Variants in PTER observed in about 807,000 individuals in gnomAD.
PTER encodes the protein N-acetyltaurine hydrolase.
In PTER, 38 loss-of-function variants were observed where a neutral mutation model predicts 29.6. That is an observed-to-expected ratio of 1.28 (90% confidence interval 0.99 to 1.68). PTER has a LOEUF of 1.68. Ranked by LOEUF, PTER falls within the 40% of genes most tolerant of loss-of-function variation. PTER has a pLI of 0.00. For missense variants in PTER, 482 were observed against 427.8 expected (o/e 1.13, Z -1.12); for synonymous variants, 172 against 154.5 (o/e 1.11, Z -0.84).
At chr10:16,495,247 T>C (rs1836051004) in intron 3 of PTER, among the ~76,000 whole-genome samples, 1 of 149,982 alleles carries the variant, frequency 6.7e-6, no homozygotes. Context: ...CTCAGCTCAC[T>C]GCAACCTCCA....
chr10:16,451,602 C>T (rs1301495351), intron 1 of PTER, among the ~76,000 whole-genome samples: 1 of 152,120 alleles, frequency 6.6e-6, no homozygotes, highest in African/African-American at 2.4e-5. Context: ...ATCCCAGCTA[C>T]TCAGGAGGCT....
At chr10:16,456,859 A>AGGCCG (rs775837340) in intron 1 of PTER, among the ~76,000 whole-genome samples, 2 of 56,134 alleles carry the variant, frequency 3.6e-5, no homozygotes, top group African/African-American at 2.2e-4. Context: ...ACCATGGGGA[A>AGGCCG]GGTGGGGGGG....
chr10:16,450,607 A>T (rs377379833), intron 1 of PTER, among the ~76,000 whole-genome samples: 10 of 152,296 alleles, frequency 6.6e-5, no homozygotes, highest in African/African-American at 2.4e-4. Flanking sequence ...AGCCACTCAC[A>T]TGATAAAAGC....
intron 1 of PTER, among the ~76,000 whole-genome samples, chr10:16,441,558 C>T (rs1369445434): frequency 6.6e-6 from 1 of 152,160 alleles, no homozygotes; most frequent in Non-Finnish European, 1.5e-5. Context: ...TTGGACAGAG[C>T]TGTGCTGCAT....
intron 3 of PTER, among the ~76,000 whole-genome samples, chr10:16,499,763 C>T (rs985480566): frequency 1.7e-4 from 25 of 150,948 alleles, no homozygotes; most frequent in Admixed American, 1.1e-3. Context: ...TCTTAATTGC[C>T]TTCACGTTAA....
At position 16,473,098 on chromosome 10, in the gene PTER, G is replaced by C. The variant is rs537783155; in HGVS notation, c.-48-11239G>C. 8.6e-5 allele frequency among the ~76,000 whole-genome samples: 13 copies of C among 151,246 alleles called. 1 individual carries two copies. The South Asian group carries it at 2.5e-3, about 29-fold the overall frequency. ...TACTTTATTCACTTTGGAATAAACC[G>C]TTTGGCTCTTTCATTCTTTAATTAA... On this transcript the variant is annotated intron_variant, in intron 1 of 4. Coordinates refer to ENST00000535784, the MANE Select transcript of PTER (RefSeq NM_001261836.2).
intron 1 of PTER, among the ~76,000 whole-genome samples, chr10:16,471,569 A>C (rs1165143727): frequency 6.6e-6 from 1 of 152,184 alleles, no homozygotes; most frequent in Non-Finnish European, 1.5e-5. Flanking sequence ...TACACTCCGT[A>C]TAAATTTTTA....
At chr10:16,457,004 G>T (rs1011543654) in intron 1 of PTER, among the ~76,000 whole-genome samples, 3 of 152,000 alleles carry the variant, frequency 2.0e-5, no homozygotes, top group African/African-American at 7.3e-5. Context: ...CTCTAGCCAC[G>T]TGCAACTGTG....
At chr10:16,501,104 T>A (rs1836319487) in intron 3 of PTER, among the ~76,000 whole-genome samples, 1 of 151,980 alleles carries the variant, frequency 6.6e-6, no homozygotes, top group Admixed American at 6.6e-5. Context: ...TTAATTTTTG[T>A]ATTTTTAGTA....
intron 1 of PTER, among the ~76,000 whole-genome samples, chr10:16,467,062 TTA>T (rs1299554933): frequency 6.6e-6 from 1 of 152,216 alleles, no homozygotes; most frequent in Non-Finnish European, 1.5e-5. Flanking sequence ...TGTTATTTTT[TTA>T]TATGCTCAAG....
At chr10:16,514,858 A>G, downstream of PTER, 1 of 622,568 alleles carries the variant, frequency 1.6e-6, no homozygotes, top group South Asian at 2.1e-5. Context: ...TTATGAGGAT[A>G]GTGCTGTGGC....
At chr10:16,450,239 T>C (rs1252602570) in intron 1 of PTER, among the ~76,000 whole-genome samples, 1 of 152,100 alleles carries the variant, frequency 6.6e-6, no homozygotes, top group African/African-American at 2.4e-5. Context: ...CAAACGGGTA[T>C]TGGGAGTGGG....
intron 3 of PTER, among the ~76,000 whole-genome samples, chr10:16,498,304 G>A (rs1392349967): frequency 6.6e-6 from 1 of 152,246 alleles, no homozygotes; most frequent in Non-Finnish European, 1.5e-5. Context: ...CAGGCGCAGT[G>A]TCTCACACTG....
chr10:16,453,058 T>A (rs544434225), intron 1 of PTER, among the ~76,000 whole-genome samples: 1 of 152,180 alleles, frequency 6.6e-6, no homozygotes, highest in East Asian at 1.9e-4. Context: ...CCATTTCTTC[T>A]TATTTTTTAA....
rs768586994 is a variant in PTER at position 16,484,597 on chromosome 10, T to G, written c.213T>G (p.Leu71=). 4 of 1,614,026 alleles carry G rather than the reference T, an allele frequency of 2.5e-6. No homozygotes were observed. Among genetic ancestry groups the G allele is most frequent in the Non-Finnish European group, 3.4e-6 (4 of 1,179,988 alleles). Residue 71 remains leucine, a synonymous_variant, in exon 2 of 5, where the codon CTT becomes CTG. Transcript: ENST00000535784. ...ACGCCTATTCCCATAAAGAAAACCT[T>G]CAATTAAATCAGGAGACAGAAGCCA... ...QKNAYSHKEN[L]QLNQETEAIK...
At chr10:16,447,805 A>G (rs886070183) in intron 1 of PTER, among the ~76,000 whole-genome samples, 11 of 152,062 alleles carry the variant, frequency 7.2e-5, no homozygotes, top group African/African-American at 2.7e-4. Context: ...TCCTCTGTCA[A>G]CTGATCATAG....
At chr10:16,480,570 G>A (rs892423362) in intron 1 of PTER, among the ~76,000 whole-genome samples, 3 of 152,092 alleles carry the variant, frequency 2.0e-5, no homozygotes, top group African/African-American at 7.2e-5. Context: ...AACAGAGTCC[G>A]GGGTGGGAGA....
intron 1 of PTER, among the ~76,000 whole-genome samples, chr10:16,439,362 A>G (rs911088755): frequency 6.6e-6 from 1 of 152,204 alleles, no homozygotes; most frequent in Non-Finnish European, 1.5e-5. Flanking sequence ...AAAAAATGCA[A>G]TTTAATATCC....
At chr10:16,490,585 G>A (rs549454924) in intron 3 of PTER, among the ~76,000 whole-genome samples, 2 of 151,710 alleles carry the variant, frequency 1.3e-5, no homozygotes, top group Non-Finnish European at 2.9e-5. Flanking sequence ...GCAAGTAAGT[G>A]TTACTTTCCC....
Sources: allele counts gnomAD v4.1 joint callset (sites outside exome capture counted in the v4.1 genomes callset), GRCh38; gene constraint gnomAD v4.1.1; transcripts MANE v1.5; gene names NCBI Gene and HGNC (gene_info 2026-07-23, HGNC 2026-07-21).